C12orf42: variants seen among roughly 807,000 people sequenced by gnomAD.
C12orf42 encodes uncharacterized protein C12orf42.
A neutral mutation model predicts 21.6 loss-of-function variants in C12orf42; 25 were observed. The ratio of observed to expected loss-of-function variants is 1.16; its 90% CI spans 0.84 to 1.62. The LOEUF (loss-of-function observed/expected upper bound fraction) is 1.62, where lower values mean the gene tolerates loss of function less well. Among genes scored for constraint, C12orf42 ranks in the 40% most tolerant of loss-of-function variants. The pLI, the probability that C12orf42 is intolerant of heterozygous loss-of-function variation, is 0.00. For missense variants in C12orf42, 483 were observed against 459.3 expected, an observed-to-expected ratio of 1.05 and a Z score of -0.47; for synonymous variants, 174 against 175.0, an observed-to-expected ratio of 0.99 and a Z score of 0.05.
the C12orf42 span, among the ~76,000 whole-genome samples, chr12:103,089,629 G>GTC: frequency 2.0e-5 from 3 of 151,590 alleles, no homozygotes; most frequent in African/African-American, 7.3e-5. Context: ...CTGTGTGTGT[G>GTC]TGTGTGTGTG....
chr12:103,502,240 C>G, the C12orf42 span, among the ~76,000 whole-genome samples: 2 of 152,186 alleles, frequency 1.3e-5, no homozygotes, highest in Non-Finnish European at 2.9e-5. Context: ...CCAACTCCCA[C>G]TCATCCTTCC....
chr12:103,333,040 T>C (rs547275011), intron 4 of C12orf42, among the ~76,000 whole-genome samples: 1 of 152,246 alleles, frequency 6.6e-6, no homozygotes, highest in African/African-American at 2.4e-5. Flanking sequence ...GCTTGTCCCA[T>C]CAGGCCTTTA....
At chr12:103,534,995 T>A in the C12orf42 span, among the ~76,000 whole-genome samples, 1 of 152,198 alleles carries the variant, frequency 6.6e-6, no homozygotes, top group Non-Finnish European at 1.5e-5. Flanking sequence ...GCCCTTATTA[T>A]CTCAATCTAT....
the C12orf42 span, among the ~76,000 whole-genome samples, chr12:103,067,704 C>T: frequency 2.6e-5 from 4 of 152,080 alleles, no homozygotes; most frequent in African/African-American, 7.2e-5. Context: ...TAGAGGTCTT[C>T]GTTCCAGAGG....
intron 4 of C12orf42, among the ~76,000 whole-genome samples, chr12:103,321,549 T>G (rs1174764091): frequency 6.9e-6 from 1 of 145,606 alleles, no homozygotes; most frequent in Non-Finnish European, 1.5e-5. Flanking sequence ...CATGCTGCTA[T>G]AAAGACACAT....
At chr12:103,101,981 T>C in the C12orf42 span, among the ~76,000 whole-genome samples, 1 of 152,210 alleles carries the variant, frequency 6.6e-6, no homozygotes, top group South Asian at 2.1e-4. Flanking sequence ...AGAGCAAAGG[T>C]GTTCAGGGCC....
the C12orf42 span, among the ~76,000 whole-genome samples, chr12:103,147,613 T>TC: frequency 7.5e-6 from 1 of 133,052 alleles, no homozygotes; most frequent in African/African-American, 2.9e-5. Context: ...TTGCCACTTC[T>TC]TCTCTCTCTC....
At chr12:103,497,519 A>G (rs980696585), upstream of C12orf42, among the ~76,000 whole-genome samples, 1 of 152,166 alleles carries the variant, frequency 6.6e-6, no homozygotes, top group Non-Finnish European at 1.5e-5. Flanking sequence ...TCTTAACCCC[A>G]ACAATATCAC....
chr12:103,174,927 C>G, the C12orf42 span, among the ~76,000 whole-genome samples: 1 of 151,966 alleles, frequency 6.6e-6, no homozygotes, highest in Non-Finnish European at 1.5e-5. Flanking sequence ...ATGTATCCAG[C>G]GAAAAGTAAA....
chr12:103,478,517 G>A, intron 1 of C12orf42, 70 bp from the exon 2 acceptor site: 1 of 674,664 alleles, frequency 1.5e-6, no homozygotes. Context: ...AGAAAAAAAT[G>A]ACATCTTTAA....
At chr12:103,383,122 CTTT>C (rs10552452) in intron 3 of C12orf42, among the ~76,000 whole-genome samples, 43 of 148,284 alleles carry the variant, frequency 2.9e-4, no homozygotes, top group East Asian at 4.0e-4. Flanking sequence ...CTGACTCATT[CTTT>C]TTTTTTTTTT....
chr12:103,375,213 G>A (rs2045594565), intron 3 of C12orf42, among the ~76,000 whole-genome samples: 1 of 152,078 alleles, frequency 6.6e-6, no homozygotes, highest in South Asian at 2.1e-4. Context: ...ACATAAAAAT[G>A]ACATTTAATA....
rs546584869 is a variant in C12orf42, at chr12:103,415,707, C to A, written c.79-14032G>T. 3.9e-5 allele frequency among the ~76,000 whole-genome samples: 6 copies of A among 152,230 alleles called. No homozygotes were observed. The East Asian group carries it at 1.2e-3, about 29-fold the overall frequency. On this transcript the variant is annotated intron_variant, in intron 2 of 5. Transcript: ENST00000548883. ...GACTCATGCTTTACAGTAACATATG[C>A]TTTCAGAGTTTAATTTGGTTTTAAA...
the C12orf42 span, among the ~76,000 whole-genome samples, chr12:103,537,181 C>A: frequency 6.6e-6 from 1 of 151,978 alleles, no homozygotes; most frequent in African/African-American, 2.4e-5. Context: ...TTCCCTTTAG[C>A]AAAGACAGCT....
intron 10 of C12orf42, among the ~76,000 whole-genome samples, chr12:103,243,993 G>A (rs2033888042): frequency 6.6e-6 from 1 of 152,072 alleles, no homozygotes; most frequent in Admixed American, 6.6e-5. Flanking sequence ...GTGTGGCCCA[G>A]GCATCATTAT....
At chr12:103,506,274 C>T in the C12orf42 span, 1 of 151,160 alleles carries the variant, frequency 6.6e-6, no homozygotes, top group East Asian at 2.0e-4. Flanking sequence ...TTATATAATG[C>T]TAAAACAAAC....
intron 10 of C12orf42, among the ~76,000 whole-genome samples, chr12:103,261,711 A>C (rs190253657): frequency 6.6e-6 from 1 of 152,206 alleles, no homozygotes; most frequent in East Asian, 1.9e-4. Context: ...CCCTTATTCA[A>C]CAAATATTTA....
chr12:103,495,729 G>C (rs1955506699), intron 1 of C12orf42, 173 bp downstream of exon 1: 1 of 150,278 alleles, frequency 6.7e-6, no homozygotes, highest in African/African-American at 2.5e-5. Flanking sequence ...CGACCCGCTC[G>C]GGGGCCGGCG....
At chr12:103,373,620 T>C (rs1030187747) in intron 3 of C12orf42, among the ~76,000 whole-genome samples, 4 of 152,212 alleles carry the variant, frequency 2.6e-5, no homozygotes, top group African/African-American at 7.2e-5. Flanking sequence ...AGGAAAGAAA[T>C]TGGAGTTTCT....
Sources: gnomAD v4.1 joint callset for allele counts (sites outside exome capture counted in the v4.1 genomes callset) on GRCh38, gnomAD v4.1.1 for gene constraint, MANE v1.5 for transcripts, NCBI Gene and HGNC (gene_info 2026-07-23, HGNC 2026-07-21) for gene names.